The following DPP6 variants were observed in gnomAD, a reference collection of about 807,000 sequenced individuals.
The protein encoded by DPP6 is A-type potassium channel modulatory protein DPP6.
In DPP6, 69 loss-of-function variants were observed where a neutral mutation model predicts 122.6. The ratio of observed to expected loss-of-function variants is 0.56; its 90% confidence interval spans 0.46 to 0.69. The LOEUF (loss-of-function observed/expected upper bound fraction) is 0.69. DPP6 is among the 30% of genes least tolerant of loss of function. The probability of loss-of-function intolerance (pLI) is 0.00; values close to 1 mark genes in which losing one functional copy is unlikely to be tolerated. For missense variants in DPP6, 928 were observed against 1,116.9 expected (o/e 0.83, Z 2.41); for synonymous variants, 418 against 433.1 (o/e 0.97, Z 0.43).
chr7:153,943,296 A>C (rs973071440), intron 1 of DPP6, among the ~76,000 whole-genome samples: 1 of 152,330 alleles, frequency 6.6e-6, no homozygotes, highest in Middle Eastern at 3.4e-3. Context: ...CTCAAATTCT[A>C]GAAGTAAACA....
intron 5 of DPP6, among the ~76,000 whole-genome samples, chr7:154,599,972 C>T (rs760534291): frequency 6.6e-6 from 1 of 152,108 alleles, no homozygotes; most frequent in South Asian, 2.1e-4. Flanking sequence ...ACTTCAATCC[C>T]GCTCTTCTCC....
At chr7:154,556,703 A>G (rs1254172515) in intron 4 of DPP6, among the ~76,000 whole-genome samples, 1 of 152,184 alleles carries the variant, frequency 6.6e-6, no homozygotes, top group Non-Finnish European at 1.5e-5. Flanking sequence ...TAAGAAAGGC[A>G]AAATTAGTAG....
At chr7:154,587,494 A>G in intron 5 of DPP6, 1 of 784,400 alleles carries the variant, frequency 1.3e-6, no homozygotes, top group Non-Finnish European at 2.0e-6. Context: ...AGCTTCATGC[A>G]AAATATTGTA....
intron 16 of DPP6, among the ~76,000 whole-genome samples, chr7:154,850,920 C>T (rs1198413918): frequency 2.6e-5 from 4 of 152,242 alleles, no homozygotes; most frequent in Non-Finnish European, 4.4e-5. Flanking sequence ...TAGAGCAATA[C>T]GGTGTGTAAT....
At chr7:153,992,524 C>T (rs1222446991) in intron 1 of DPP6, among the ~76,000 whole-genome samples, 2 of 152,138 alleles carry the variant, frequency 1.3e-5, no homozygotes, top group East Asian at 1.9e-4. Context: ...CTTGCATCCT[C>T]CATGATTGGA....
At chr7:153,791,712 G>A in the DPP6 span, among the ~76,000 whole-genome samples, 24 of 152,150 alleles carry the variant, frequency 1.6e-4, no homozygotes, top group African/African-American at 5.8e-4. Flanking sequence ...GAGCCACTGC[G>A]TCCAGCTAAA....
chr7:154,282,607 A>C lies in DPP6; in HGVS notation c.244-163607A>C, dbSNP rs1005163071. ...GCCTCCCTGCCCATGGCATTTTCTC[A>C]GGAGCTGTCTCCTTTGAGTTGCTAT... On this transcript the variant is annotated intron_variant, in intron 1 of 25. Transcript: ENST00000377770. This position sits in a 1 kb window ranked among gnomAD's most constrained non-coding sequence, Gnocchi z 4.8. 4.6e-5 allele frequency among the ~76,000 whole-genome samples: 7 copies of C among 152,184 alleles called. No homozygotes were observed. The highest frequency in any genetic ancestry group is 4.6e-4 in the Admixed American group (7 of 15,278).
chr7:154,084,982 T>A, intron 1 of DPP6, among the ~76,000 whole-genome samples: 2 of 90,012 alleles, frequency 2.2e-5, no homozygotes, highest in Non-Finnish European at 1.9e-5. Flanking sequence ...AGAGCGAGAC[T>A]CCGTCTCAAA....
At chr7:154,619,724 T>C (rs1834513045) in intron 5 of DPP6, among the ~76,000 whole-genome samples, 1 of 152,236 alleles carries the variant, frequency 6.6e-6, no homozygotes. Context: ...TGTATATGTG[T>C]AGATATACAA....
chr7:154,425,621 G>GAAA (rs1817836574), intron 1 of DPP6, among the ~76,000 whole-genome samples: 20 of 121,514 alleles, frequency 1.6e-4, no homozygotes, highest in African/African-American at 7.9e-4. Flanking sequence ...TGTGTGTGTG[G>GAAA]GTGTGTGTGT....
At chr7:154,778,745 AACACC>A (rs1287947256) in intron 10 of DPP6, among the ~76,000 whole-genome samples, 2 of 149,774 alleles carry the variant, frequency 1.3e-5, no homozygotes, top group Non-Finnish European at 3.0e-5. Context: ...TACAACTTCC[AACACC>A]ACCTTCACCA....
At position 154,858,640 on chromosome 7, in the gene DPP6, G is replaced by A. The variant is rs1256024389; in HGVS notation, c.1714+4813G>A. The A allele has an allele frequency of 2.0e-5, 3 of 152,468 alleles. No individual in the cohort carries two copies. The East Asian group carries it at 5.8e-4, about 29-fold the overall frequency. The allele number at this position is 152,468 out of a possible 1,614,324, so 9.4% of individuals were successfully genotyped here. A position where few individuals can be genotyped will look rare whatever the true frequency, so the allele number is the denominator to read the frequency against. Reference sequence around the variant, plus strand: ...GCTCTGAGAAGCCTTCCACGTCACAGGGAAGAGATGCTCCTCAGGCCCTGG... The same window carrying A: ...GCTCTGAGAAGCCTTCCACGTCACAAGGAAGAGATGCTCCTCAGGCCCTGG... On this transcript the variant is annotated intron_variant, in intron 17 of 25. Coordinates refer to ENST00000377770, the MANE Select transcript of DPP6 (RefSeq NM_130797.4).
At chr7:154,504,946 T>G (rs546580890) in intron 3 of DPP6, among the ~76,000 whole-genome samples, 34 of 152,140 alleles carry the variant, frequency 2.2e-4, no homozygotes, top group Non-Finnish European at 4.6e-4. Context: ...GATTTTGCAG[T>G]TTAGGAAAGT....
chr7:153,810,165 C>G, the DPP6 span, among the ~76,000 whole-genome samples: 2 of 152,220 alleles, frequency 1.3e-5, no homozygotes, highest in Non-Finnish European at 2.9e-5. Flanking sequence ...CTTCTCATCT[C>G]ACAGCTGTGA....
chr7:154,310,675 G>A (rs562949933), intron 1 of DPP6, among the ~76,000 whole-genome samples: 32 of 152,318 alleles, frequency 2.1e-4, no homozygotes, highest in Non-Finnish European at 4.0e-4. Context: ...TGGAGAACAC[G>A]TGAGGGCTGG....
intron 1 of DPP6, among the ~76,000 whole-genome samples, chr7:154,157,046 G>T (rs1418102711): frequency 1.3e-5 from 2 of 152,202 alleles, no homozygotes; most frequent in Non-Finnish European, 2.9e-5. Context: ...CCCTCACTGG[G>T]ATAATTAAAT....
intron 8 of DPP6, among the ~76,000 whole-genome samples, chr7:154,731,163 G>A (rs1410479007): frequency 6.6e-5 from 10 of 151,640 alleles, no homozygotes; most frequent in Non-Finnish European, 1.5e-4. Context: ...TGACTTAACT[G>A]TTTCAATTCC....
chr7:154,644,891 A>G (rs1836347846), intron 6 of DPP6, among the ~76,000 whole-genome samples: 1 of 151,928 alleles, frequency 6.6e-6, no homozygotes, highest in South Asian at 2.1e-4. Context: ...TTTGCATTTT[A>G]GTAGATACGA....
chr7:154,294,105 G>A (rs909578839), intron 1 of DPP6, among the ~76,000 whole-genome samples: 1 of 152,156 alleles, frequency 6.6e-6, no homozygotes, highest in African/African-American at 2.4e-5. Context: ...TGACTTCAAC[G>A]CTCATTCCTT....
Sources: allele counts gnomAD v4.1 joint callset (sites outside exome capture counted in the v4.1 genomes callset), GRCh38; gene constraint gnomAD v4.1.1; non-coding constraint Gnocchi (gnomAD v3.1); transcripts MANE v1.5; gene names NCBI Gene and HGNC (gene_info 2026-07-23, HGNC 2026-07-21).